Variants in EIF5B observed in about 807,000 individuals in gnomAD.
The protein encoded by EIF5B is eukaryotic translation initiation factor 5B, also known as eIF-5B.
EIF5B carries 47 observed loss-of-function variants against 147.5 expected under a neutral mutation model. The ratio of observed to expected loss-of-function variants is 0.32; its 90% CI spans 0.25 to 0.41. EIF5B has a LOEUF of 0.41. EIF5B is among the 10% of genes least tolerant of loss of function. EIF5B has a pLI of 1.00. For missense variants in EIF5B, 1,064 were observed against 1,413.2 expected, an observed-to-expected ratio of 0.75 and a Z score of 3.96; for synonymous variants, 455 against 456.2, an observed-to-expected ratio of 1.00 and a Z score of 0.03.
chr2:99,369,434 A>C lies in EIF5B; in HGVS notation c.1430A>C (p.Glu477Ala), dbSNP rs1308305115. The change falls in exon 8 of 24, where the codon GAA becomes GCA. Residue 477 changes from glutamate (E) to alanine (A), a missense_variant. Physicochemically the swap from Glu to Ala is moderately radical, Grantham distance 107. This residue lies in a region of EIF5B where 195 missense variants were observed against 186.3 expected (regional missense o/e 1.05). Transcript: ENST00000289371. The part of the protein sequence containing the change: ...MELCAAVEVM[E>A]QGVPEKEETP... ...TTATGTGCTGCTGTAGAAGTTATGG[A>C]ACAAGGAGTACCAGAAAAGGAAGAG... is the stretch of plus-strand genomic sequence containing the variant. 1.2e-6 allele frequency: 2 copies of C among 1,611,388 alleles called. No homozygotes were observed. Among genetic ancestry groups the C allele is most frequent in the Admixed American group, 1.7e-5 (1 of 59,930 alleles).
Position 99,376,625 on chromosome 2 carries a change from C to CG in EIF5B, c.1833dup (p.Arg612GlufsTer3). 1 of 1,601,522 alleles carries CG rather than the reference C, an allele frequency of 6.2e-7. No individual in the cohort carries two copies. Among genetic ancestry groups the CG allele is most frequent in the Non-Finnish European group, 8.5e-7 (1 of 1,175,178 alleles). ...AGAAAGGGCTTATGACAAAGCAAAA[C>CG]GGAGGATTGAGGTATTTATTTTACC... On this transcript the variant is annotated frameshift_variant, in exon 10 of 24. Coordinates refer to ENST00000289371, the MANE Select transcript of EIF5B (RefSeq NM_015904.4). LOFTEE classifies it high-confidence loss of function.
intron 3 of EIF5B, among the ~76,000 whole-genome samples, chr2:99,360,899 AGT>A (rs1208951131): frequency 6.6e-6 from 1 of 152,198 alleles, no homozygotes; most frequent in Non-Finnish European, 1.5e-5. Context: ...TTGTAAAGTT[AGT>A]AAATGGGTGG....
At chr2:99,367,192 T>C (rs1237421188) in intron 6 of EIF5B, among the ~76,000 whole-genome samples, 3 of 152,224 alleles carry the variant, frequency 2.0e-5, no homozygotes, top group African/African-American at 4.8e-5. Flanking sequence ...AGAACTTTTC[T>C]CTGCAAAAGA....
At chr2:99,362,496 A>C (rs768807462) in intron 4 of EIF5B, among the ~76,000 whole-genome samples, 2 of 152,008 alleles carry the variant, frequency 1.3e-5, no homozygotes, top group African/African-American at 4.8e-5. Context: ...GTCAGGAGAT[A>C]TAGACCATCC....
At chr2:99,341,852 A>C (rs1382264251) in intron 1 of EIF5B, among the ~76,000 whole-genome samples, 1 of 152,248 alleles carries the variant, frequency 6.6e-6, no homozygotes, top group Non-Finnish European at 1.5e-5. Context: ...GACTTAATAG[A>C]AGATAGATCC....
Position 99,398,777 on chromosome 2 carries a change from T to C in EIF5B, c.3423T>C (p.Ile1141=), listed in dbSNP as rs1225143997. 6.2e-7 allele frequency: 1 copy of C among 1,613,644 alleles called. No homozygotes were observed. The highest frequency in any genetic ancestry group is 1.7e-5 in the Admixed American group (1 of 59,952). The change falls in exon 23 of 24, where the codon ATT becomes ATC. Residue 1141 remains isoleucine, a synonymous_variant. Coordinates refer to ENST00000289371, the MANE Select transcript of EIF5B (RefSeq NM_015904.4). The stretch of plus-strand genomic sequence containing the variant: ...TTGACATCGGAATAGTAACAAGTAT[T>C]GAAATAAACCATAAACAAGTGGATG... ...NFVDIGIVTS[I]EINHKQVDVA...
chr2:99,365,784 T>C (rs1189890989), intron 6 of EIF5B, among the ~76,000 whole-genome samples: 2 of 151,988 alleles, frequency 1.3e-5, no homozygotes, highest in African/African-American at 2.4e-5. Context: ...TACCATCTTA[T>C]TAGTTCCCTA....
intron 3 of EIF5B, among the ~76,000 whole-genome samples, chr2:99,360,929 A>T (rs1279843676): frequency 1.3e-5 from 2 of 152,210 alleles, no homozygotes; most frequent in Non-Finnish European, 2.9e-5. Context: ...TGCCTGTTTC[A>T]AGAGCCCCTG....
rs2094245421 is a variant in EIF5B at position 99,337,439 on chromosome 2, G to C, written c.-116G>C. 1 of 1,349,446 alleles carries C rather than the reference G, an allele frequency of 7.4e-7. No individual in the cohort carries two copies. The highest frequency in any genetic ancestry group is 1.0e-6 in the Non-Finnish European group (1 of 963,624). The allele number at this position is 1,349,446 out of a possible 1,614,324, so 83.6% of individuals were successfully genotyped here. A position where few individuals can be genotyped will look rare whatever the true frequency, so the allele number is the denominator to read the frequency against. The stretch of plus-strand genomic sequence containing the variant: ...CGCGGGTCTGTGGAGAGCCGGGTGC[G>C]AGCGGCGGCAGCACGAGGGGAAAAG... On this transcript the variant is annotated 5_prime_UTR_variant, in exon 1 of 24. Transcript: ENST00000289371.
chr2:99,357,404 A>G (rs1169268828), intron 1 of EIF5B, among the ~76,000 whole-genome samples: 1 of 152,186 alleles, frequency 6.6e-6, no homozygotes, highest in African/African-American at 2.4e-5. Flanking sequence ...TACCATCTTT[A>G]AGAATAATTT....
chr2:99,382,993 ATAAT>A (rs1397920706), intron 14 of EIF5B, 72 bp downstream of exon 14: 5 of 1,456,698 alleles, frequency 3.4e-6, no homozygotes, highest in Admixed American at 2.4e-5. Flanking sequence ...AAAAAGTAGT[ATAAT>A]TAACTTACAA....
intron 6 of EIF5B, among the ~76,000 whole-genome samples, chr2:99,366,946 A>G (rs1311515705): frequency 1.3e-5 from 2 of 152,260 alleles, no homozygotes; most frequent in East Asian, 1.9e-4. Flanking sequence ...GATAAAATAC[A>G]GTATTTGTAG....
At chr2:99,397,873 C>G (rs1044718753) in intron 22 of EIF5B, 1 of 152,026 alleles carries the variant, frequency 6.6e-6, no homozygotes, top group Non-Finnish European at 1.5e-5. Context: ...CCTGTCCCCC[C>G]ATTTCTTACA....
chr2:99,349,138 A>G (rs931007227), intron 1 of EIF5B, among the ~76,000 whole-genome samples: 8 of 152,250 alleles, frequency 5.3e-5, no homozygotes, highest in African/African-American at 1.9e-4. Flanking sequence ...GCATCCTTCT[A>G]TTTAGCAAGC....
intron 1 of EIF5B, among the ~76,000 whole-genome samples, chr2:99,355,972 A>T (rs868202464): frequency 1.3e-5 from 2 of 152,298 alleles, no homozygotes; most frequent in South Asian, 4.1e-4. Flanking sequence ...TTGTGAAGAT[A>T]ATACAGAGTC....
chr2:99,387,563 T>A (rs1365146556), intron 14 of EIF5B, among the ~76,000 whole-genome samples: 1 of 152,224 alleles, frequency 6.6e-6, no homozygotes, highest in Non-Finnish European at 1.5e-5. Flanking sequence ...AGCTTCATAG[T>A]AAAGTTTTGA....
chr2:99,362,059 G>A (rs1019759213), intron 4 of EIF5B, among the ~76,000 whole-genome samples: 10 of 152,108 alleles, frequency 6.6e-5, no homozygotes, highest in African/African-American at 1.4e-4. Flanking sequence ...TTATAGAATT[G>A]CATTATGAAA....
At chr2:99,365,544 T>C (rs1239298060) in intron 6 of EIF5B, among the ~76,000 whole-genome samples, 2 of 152,178 alleles carry the variant, frequency 1.3e-5, no homozygotes, top group Admixed American at 6.5e-5. Flanking sequence ...TGGTGACTAT[T>C]GGAGAGGCTA....
At chr2:99,369,698 C>T (rs1322820364) in intron 8 of EIF5B, among the ~76,000 whole-genome samples, 1 of 152,108 alleles carries the variant, frequency 6.6e-6, no homozygotes, top group Non-Finnish European at 1.5e-5. Flanking sequence ...TTCTTTTCAG[C>T]AGTGTTAGAA....
Sources: allele counts gnomAD v4.1 joint callset (sites outside exome capture counted in the v4.1 genomes callset), GRCh38; gene constraint gnomAD v4.1.1; regional missense constraint gnomAD v4.1.1; transcripts MANE v1.5; gene names NCBI Gene and HGNC (gene_info 2026-07-23, HGNC 2026-07-21).